IDO2: variants seen among roughly 807,000 people sequenced by gnomAD.
IDO2 encodes the protein indoleamine 2,3-dioxygenase 2.
In IDO2, 46 loss-of-function variants were observed where a neutral mutation model predicts 45.1. That is an observed-to-expected ratio of 1.02 (90% confidence interval 0.80 to 1.30). The LOEUF is 1.30. Ranked by LOEUF, IDO2 falls within the 50% of genes most tolerant of loss-of-function variation. The pLI is 0.00. For missense variants in IDO2, 544 were observed against 491.8 expected, an observed-to-expected ratio of 1.11 and a Z score of -1.00; for synonymous variants, 218 against 184.9, an observed-to-expected ratio of 1.18 and a Z score of -1.45.
At position 40,015,532 on chromosome 8, in the gene IDO2, C is replaced by T; in HGVS notation, c.1154C>T (p.Thr385Ile). Reference sequence around the variant, plus strand: ...TTAAAAGACAGGGGCACAGGTGGAACCGCAGTTATGAGCTTTCTTAAGAGT... The same window carrying T: ...TTAAAAGACAGGGGCACAGGTGGAATCGCAGTTATGAGCTTTCTTAAGAGT... The change falls in exon 11 of 11, where the codon ACC (threonine) becomes ATC (isoleucine). Residue 385 changes from threonine to isoleucine, a missense_variant. Physicochemically the swap from Thr to Ile is moderately conservative, Grantham distance 89 (BLOSUM62 -1). Transcript: ENST00000502986. 1 of 1,614,026 alleles carries T rather than the reference C, an allele frequency of 6.2e-7. No homozygotes were observed. The highest frequency in any genetic ancestry group is 1.1e-5 in the South Asian group (1 of 91,080).
chr8:40,008,206 C>T (rs1330802610), intron 9 of IDO2, among the ~76,000 whole-genome samples: 3 of 152,060 alleles, frequency 2.0e-5, no homozygotes, highest in East Asian at 1.9e-4. Flanking sequence ...GCCACCAGCC[C>T]GGCTGATTTT....
At chr8:40,016,190 G>A (rs552504572) in exon 11 of IDO2, 14 of 397,532 alleles carry the variant, frequency 3.5e-5, no homozygotes, top group East Asian at 2.1e-4. Context: ...ATATGGGAAC[G>A]GATGAGACTT....
intron 2 of IDO2, among the ~76,000 whole-genome samples, chr8:39,961,009 T>C (rs897481571): frequency 5.9e-5 from 9 of 152,206 alleles, no homozygotes; most frequent in Non-Finnish European, 1.3e-4. Context: ...GGTCTTGATC[T>C]CCTGACCTCG....
intron 1 of IDO2, among the ~76,000 whole-genome samples, chr8:39,940,855 G>A (rs1353088022): frequency 4.7e-5 from 7 of 149,764 alleles, no homozygotes; most frequent in Non-Finnish European, 1.0e-4. Flanking sequence ...ATTACACATT[G>A]CATACATGTA....
At chr8:39,935,045 G>A (rs1011873159) in exon 1 of IDO2, 2 of 794,818 alleles carry the variant, frequency 2.5e-6, no homozygotes, top group African/African-American at 1.7e-5. Context: ...CTCCTACACT[G>A]GAGCTTTATA....
intron 9 of IDO2, among the ~76,000 whole-genome samples, chr8:40,011,383 C>G (rs1221917223): frequency 6.6e-6 from 1 of 152,196 alleles, no homozygotes; most frequent in Non-Finnish European, 1.5e-5. Context: ...AACCAGATTA[C>G]AAAGAAAGAC....
At chr8:39,972,339 C>T (rs762789152) in intron 3 of IDO2, among the ~76,000 whole-genome samples, 20 of 151,896 alleles carry the variant, frequency 1.3e-4, no homozygotes, top group Non-Finnish European at 1.2e-4. Context: ...TACTGGGTGC[C>T]GAGCGTGGTG....
intron 3 of IDO2, among the ~76,000 whole-genome samples, chr8:39,977,202 T>G (rs1246723112): frequency 6.6e-6 from 1 of 152,144 alleles, no homozygotes. Context: ...GCAAATAATA[T>G]AAGTAGTTAA....
At chr8:39,980,959 C>T (rs186043759) in intron 4 of IDO2, among the ~76,000 whole-genome samples, 1 of 151,898 alleles carries the variant, frequency 6.6e-6, no homozygotes, top group African/African-American at 2.4e-5. Flanking sequence ...ACCACGTTGG[C>T]CAGGCTGATC....
intron 2 of IDO2, among the ~76,000 whole-genome samples, chr8:39,962,009 T>A (rs531194824): frequency 1.2e-3 from 180 of 152,300 alleles, no homozygotes; most frequent in Non-Finnish European, 2.4e-3. Flanking sequence ...ATGTTGCAAC[T>A]ACCAACTCTC....
intron 8 of IDO2, chr8:39,995,251 C>CTTCTTCTTCCT (rs1554548609): frequency 1.3e-5 from 1 of 78,030 alleles, no homozygotes. Flanking sequence ...TTCTCCTTCT[C>CTTCTTCTTCCT]CTTCTTCTTC....
chr8:40,008,764 T>C (rs1354916025), intron 9 of IDO2, among the ~76,000 whole-genome samples: 1 of 152,208 alleles, frequency 6.6e-6, no homozygotes, highest in Admixed American at 6.5e-5. Context: ...TTTACTTTCA[T>C]TAAAATAAAT....
Position 39,963,611 on chromosome 8 carries a change from G to T in IDO2, c.103G>T (p.Glu35Ter), listed in dbSNP as rs1191050604. 1.8e-5 allele frequency: 28 copies of T among 1,596,202 alleles called. No individual in the cohort carries two copies. Among genetic ancestry groups the T allele is most frequent in the East Asian group, 2.2e-5 (1 of 44,726 alleles). Residue 35 changes from glutamate (E) to a stop codon, truncating the protein, a stop_gained, in exon 3 of 11, where the codon GAA becomes TAA. Coordinates refer to ENST00000502986, the Ensembl canonical transcript of IDO2. LOFTEE classifies it high-confidence loss of function. ...CATGTTTCTATTTTAAATGCAGAAA[G>T]AACTTCCAGATCATTATAGGCCTTG...
intron 1 of IDO2, among the ~76,000 whole-genome samples, chr8:39,946,018 G>A (rs1807722381): frequency 6.6e-6 from 1 of 152,098 alleles, no homozygotes; most frequent in South Asian, 2.1e-4. Flanking sequence ...GCCTTTAGTG[G>A]GACTAACATT....
At chr8:39,988,218 T>C (rs1166010642) in intron 7 of IDO2, among the ~76,000 whole-genome samples, 4 of 152,092 alleles carry the variant, frequency 2.6e-5, no homozygotes, top group Admixed American at 6.5e-5. Context: ...CAATGGGAAA[T>C]TGGATCGAAC....
At chr8:39,974,060 G>A (rs934734504) in intron 3 of IDO2, among the ~76,000 whole-genome samples, 4 of 152,174 alleles carry the variant, frequency 2.6e-5, no homozygotes, top group South Asian at 4.1e-4. Flanking sequence ...TTGTATTGGT[G>A]TGCTATGCCA....
chr8:39,979,850 C>CAACATGAAG (rs1563433496), intron 4 of IDO2, among the ~76,000 whole-genome samples: 16 of 152,148 alleles, frequency 1.1e-4, no homozygotes, highest in African/African-American at 3.6e-4. Context: ...AACAGGGTTG[C>CAACATGAAG]ACCATGTTGC....
chr8:39,965,566 G>C (rs1017999890), intron 3 of IDO2, among the ~76,000 whole-genome samples: 1 of 152,072 alleles, frequency 6.6e-6, no homozygotes, highest in Non-Finnish European at 1.5e-5. Flanking sequence ...TGTCTTCCTA[G>C]AAGTCATGTT....
At chr8:39,981,238 T>C (rs1396328883) in intron 4 of IDO2, among the ~76,000 whole-genome samples, 1 of 151,980 alleles carries the variant, frequency 6.6e-6, no homozygotes, top group Non-Finnish European at 1.5e-5. Context: ...ATTTTTATAT[T>C]TTTAGTAAAG....
Sources: allele counts gnomAD v4.1 joint callset (sites outside exome capture counted in the v4.1 genomes callset), GRCh38; gene constraint gnomAD v4.1.1; transcripts MANE v1.5; gene names NCBI Gene and HGNC (gene_info 2026-07-23, HGNC 2026-07-21).